The following SLC4A8 variants were observed in gnomAD, a reference collection of about 807,000 sequenced individuals.
The protein encoded by SLC4A8 is electroneutral sodium bicarbonate exchanger 1.
SLC4A8 carries 40 observed loss-of-function variants against 125.0 expected under a neutral mutation model. That is an observed-to-expected ratio of 0.32 (90% CI 0.25 to 0.42). The LOEUF (loss-of-function observed/expected upper bound fraction) is 0.42. SLC4A8 is among the 10% of genes least tolerant of loss of function. SLC4A8 has a pLI of 1.00. For missense variants in SLC4A8, 863 were observed against 1,355.1 expected, an observed-to-expected ratio of 0.64 and a Z score of 5.70; for synonymous variants, 456 against 476.0, an observed-to-expected ratio of 0.96 and a Z score of 0.55.
At chr12:51,504,007 A>G in intron 22 of SLC4A8, 22 bp from the exon 23 acceptor site, 1 of 1,417,318 alleles carries the variant, frequency 7.1e-7, no homozygotes, top group Non-Finnish European at 9.8e-7. Flanking sequence ...CCAAGATATA[A>G]TAATGTTTCT....
chr12:51,398,810 C>G (rs1565747971), intron 1 of SLC4A8, among the ~76,000 whole-genome samples: 2 of 152,200 alleles, frequency 1.3e-5, no homozygotes, highest in South Asian at 4.1e-4. Flanking sequence ...AGTGCAGTGG[C>G]CTGATCTCGG....
intron 1 of SLC4A8, among the ~76,000 whole-genome samples, chr12:51,408,836 A>G (rs1444420400): frequency 6.6e-6 from 1 of 151,818 alleles, no homozygotes; most frequent in Non-Finnish European, 1.5e-5. Context: ...TGTGATGCGC[A>G]CTCCAGAGCA....
At chr12:51,407,493 T>C (rs573316952) in intron 1 of SLC4A8, among the ~76,000 whole-genome samples, 1 of 152,008 alleles carries the variant, frequency 6.6e-6, no homozygotes, top group South Asian at 2.1e-4. Context: ...GGTCTGAAAC[T>C]CCTGGGCTCA....
chr12:51,450,945 A>G lies in SLC4A8; in HGVS notation c.200A>G (p.His67Arg), dbSNP rs1362435680. 1 of 1,607,056 alleles carries G rather than the reference A, an allele frequency of 6.2e-7. No individual in the cohort carries two copies. The highest frequency in any genetic ancestry group is 1.3e-5 in the African/African-American group (1 of 74,824). ...CAGAGCCATCGGCATCACCGCACTC[A>G]TGGCCAGAAGCACCGGAGACGAGGG... ...GRQSHRHHRT[H>R]GQKHRRRGRG... The change falls in exon 3 of 25, where the codon CAT becomes CGT. Residue 67 changes from histidine to arginine, a missense_variant. By Grantham distance (29) the His-to-Arg change is conservative. Transcript: ENST00000453097.
chr12:51,506,932 T>C (rs1938196382), intron 24 of SLC4A8, among the ~76,000 whole-genome samples: 1 of 152,120 alleles, frequency 6.6e-6, no homozygotes, highest in South Asian at 2.1e-4. Flanking sequence ...AGACAAAATC[T>C]GAGGCCTTCC....
chr12:51,476,058 T>G (rs572831302), intron 16 of SLC4A8, among the ~76,000 whole-genome samples: 6 of 152,358 alleles, frequency 3.9e-5, no homozygotes, highest in Admixed American at 3.9e-4. Flanking sequence ...CATGTACTTT[T>G]ACCACAGTAT....
upstream of SLC4A8, among the ~76,000 whole-genome samples, chr12:51,424,054 C>CAAAAAAAAAAAA (rs1334821004): frequency 2.1e-4 from 16 of 77,428 alleles, no homozygotes; most frequent in Middle Eastern, 7.9e-3. Flanking sequence ...AAAAAAAAAA[C>CAAAAAAAAAAAA]AAAAAAAACA....
rs957842674 is a variant in SLC4A8 at position 51,507,574 on chromosome 12, G to A, written c.*136G>A. 22 of 553,580 alleles carry A rather than the reference G, an allele frequency of 4.0e-5. 1 individual carries two copies. The highest frequency in any genetic ancestry group is 1.9e-4 in the African/African-American group (10 of 51,876). 34.3% of individuals were successfully genotyped at this position (553,580 alleles called of 1,614,324 possible). A position where few individuals can be genotyped will look rare whatever the true frequency, so the allele number is the denominator to read the frequency against. ...TCCTTGGTCATCTCAAAGCCATGCC[G>A]AAGCATTCAGTTATTCTTGGTGTGC... On this transcript the variant is annotated 3_prime_UTR_variant, in exon 25 of 25. Transcript: ENST00000453097.
intron 1 of SLC4A8, among the ~76,000 whole-genome samples, chr12:51,395,191 T>C (rs1948235514): frequency 6.6e-6 from 1 of 152,164 alleles, no homozygotes; most frequent in South Asian, 2.1e-4. Context: ...CTCTAGACAT[T>C]GTCTCTATCT....
At chr12:51,406,716 T>C (rs1948495459) in intron 1 of SLC4A8, among the ~76,000 whole-genome samples, 1 of 152,214 alleles carries the variant, frequency 6.6e-6, no homozygotes, top group Non-Finnish European at 1.5e-5. Flanking sequence ...AATTTAGTGC[T>C]CCAGGCCCCA....
At chr12:51,506,676 C>T (rs891808513) in intron 24 of SLC4A8, among the ~76,000 whole-genome samples, 1 of 152,330 alleles carries the variant, frequency 6.6e-6, no homozygotes, top group African/African-American at 2.4e-5. Flanking sequence ...TCAAGGGATC[C>T]TCCTACCTTG....
intron 13 of SLC4A8, among the ~76,000 whole-genome samples, 199 bp from the exon 14 acceptor site, chr12:51,471,088 G>A (rs1029361062): frequency 5.3e-5 from 8 of 151,680 alleles, no homozygotes; most frequent in East Asian, 1.9e-4. Context: ...TTTAGTTTTC[G>A]TATCCTTGCG....
rs992019198 is a variant in SLC4A8 at position 51,403,089 on chromosome 12, CTG to C, written c.-112+11603_-112+11604del. The C allele has an allele frequency of 7.2e-5, 26 of 361,574 alleles. No individual in the cohort carries two copies. The Admixed American group carries it at 7.4e-4, about 10-fold the overall frequency. The allele number at this position is 361,574 out of a possible 1,614,324, so 22.4% of individuals were successfully genotyped here. A position where few individuals can be genotyped will look rare whatever the true frequency, so the allele number is the denominator to read the frequency against. Reference sequence around the variant, plus strand: ...TTTTTAAAGGACAATTATATAGAGTCTGTTGTGAAATTTAGATTAGGTAATAG... The same window carrying C: ...TTTTTAAAGGACAATTATATAGAGTCTTGTGAAATTTAGATTAGGTAATAG... On this transcript the variant is annotated intron_variant, in intron 1 of 24. Coordinates refer to the SLC4A8 transcript ENST00000358657.
chr12:51,494,994 A>T lies in SLC4A8; in HGVS notation c.2819A>T (p.Asp940Val). ...GGGATGCCCGCAAAGCACCAGCCAG[A>T]TTTCATCTACCTGCGGCATGTGCCG... ...LFGMPAKHQP[D>V]FIYLRHVPLR... The change falls in exon 21 of 25, where the codon GAT (aspartate) becomes GTT (valine). Residue 940 changes from aspartate (D) to valine (V), a missense_variant. Physicochemically the swap from Asp to Val is radical, Grantham distance 152. Coordinates refer to ENST00000453097, the MANE Select transcript of SLC4A8 (RefSeq NM_001039960.3). 1 of 1,614,172 alleles carries T rather than the reference A, an allele frequency of 6.2e-7. No homozygotes were observed. The highest frequency in any genetic ancestry group is 8.5e-7 in the Non-Finnish European group (1 of 1,180,010).
intron 2 of SLC4A8, among the ~76,000 whole-genome samples, chr12:51,450,239 C>A (rs956288189): frequency 6.6e-6 from 1 of 152,056 alleles, no homozygotes; most frequent in East Asian, 1.9e-4. Context: ...GAAGCTGATC[C>A]TAGGATGAAT....
chr12:51,514,544 C>G lies in SLC4A8; in HGVS notation c.*7106C>G, dbSNP rs1938470323. ...GAGAATGGTGAGGAGTTGGACAGTC[C>G]CGGGGCTTTTTTGAAAGGGGACTTT... is the stretch of plus-strand genomic sequence containing the variant. On this transcript the variant is annotated 3_prime_UTR_variant, in exon 25 of 25. Transcript: ENST00000453097. The G allele has an allele frequency of 6.6e-6, 1 of 152,078 alleles. No homozygotes were observed. Among genetic ancestry groups the G allele is most frequent in the South Asian group, 2.1e-4 (1 of 4,806 alleles). The allele number at this position is 152,078 out of a possible 1,614,324, so 9.4% of individuals were successfully genotyped here.
chr12:51,462,626 C>T, intron 10 of SLC4A8, 170 bp downstream of exon 10: 1 of 500,630 alleles, frequency 2.0e-6, no homozygotes, highest in South Asian at 4.5e-5. Context: ...GGTGTGGTGG[C>T]TCACACCTGT....
chr12:51,393,408 T>G (rs1948198929), intron 1 of SLC4A8, among the ~76,000 whole-genome samples: 1 of 152,112 alleles, frequency 6.6e-6, no homozygotes, highest in African/African-American at 2.4e-5. Context: ...AATTTGTATT[T>G]CTAAGACCCT....
chr12:51,425,076 C>T (rs1438985903), intron 1 of SLC4A8, 41 bp downstream of exon 1: 18 of 1,539,702 alleles, frequency 1.2e-5, no homozygotes, highest in Non-Finnish European at 1.6e-5. Flanking sequence ...CTCCCCGGGG[C>T]GCAGCCTCCT....
Sources: gnomAD v4.1 joint callset for allele counts (sites outside exome capture counted in the v4.1 genomes callset) on GRCh38, gnomAD v4.1.1 for gene constraint, MANE v1.5 for transcripts, NCBI Gene and HGNC (gene_info 2026-07-23, HGNC 2026-07-21) for gene names.